Variants in CCDC146 observed in about 807,000 individuals in gnomAD.
CCDC146 encodes the protein coiled-coil domain-containing protein 146.
CCDC146 carries 92 observed loss-of-function variants against 119.3 expected under a neutral mutation model. The ratio of observed to expected loss-of-function variants is 0.77; its 90% CI spans 0.65 to 0.92. CCDC146 has a LOEUF of 0.92. Ranked by LOEUF, CCDC146 falls within the 40% of genes least tolerant of loss-of-function variation. The pLI is 0.00. For missense variants in CCDC146, 1,000 were observed against 1,103.0 expected (o/e 0.91, Z 1.32); for synonymous variants, 372 against 371.8 (o/e 1.00, Z -0.01).
chr7:77,154,788 G>T (rs1791158060), intron 1 of CCDC146, among the ~76,000 whole-genome samples: 1 of 152,170 alleles, frequency 6.6e-6, no homozygotes, highest in South Asian at 2.1e-4. Flanking sequence ...CTTTATAGCA[G>T]CATGATTTAT....
At chr7:77,291,368 C>G (rs1208959519) in intron 17 of CCDC146, among the ~76,000 whole-genome samples, 2 of 151,324 alleles carry the variant, frequency 1.3e-5, no homozygotes, top group African/African-American at 4.9e-5. Flanking sequence ...TTAGTCTTAT[C>G]TTTTAACTGT....
At chr7:77,158,805 A>C (rs2117461852) in intron 1 of CCDC146, among the ~76,000 whole-genome samples, 1 of 152,332 alleles carries the variant, frequency 6.6e-6, no homozygotes, top group Non-Finnish European at 1.5e-5. Flanking sequence ...GGCGTAAACC[A>C]CTGCGCCCAG....
intron 1 of CCDC146, among the ~76,000 whole-genome samples, chr7:77,151,214 A>G (rs1340770612): frequency 6.6e-6 from 1 of 152,110 alleles, no homozygotes; most frequent in Non-Finnish European, 1.5e-5. Flanking sequence ...GGTCCCACCC[A>G]CATGGCCTTC....
intron 6 of CCDC146, among the ~76,000 whole-genome samples, chr7:77,258,319 C>T (rs180840537): frequency 1.5e-4 from 23 of 152,076 alleles, no homozygotes; most frequent in Admixed American, 2.6e-4. Flanking sequence ...AAGCATGATC[C>T]ATTAGCAGTC....
At chr7:77,204,313 T>C (rs1422131755) in intron 2 of CCDC146, among the ~76,000 whole-genome samples, 1 of 152,194 alleles carries the variant, frequency 6.6e-6, no homozygotes, top group Non-Finnish European at 1.5e-5. Flanking sequence ...TCATTATAAA[T>C]TTCATGAAAA....
At chr7:77,210,919 T>G (rs1447194474) in intron 2 of CCDC146, among the ~76,000 whole-genome samples, 1 of 152,090 alleles carries the variant, frequency 6.6e-6, no homozygotes, top group African/African-American at 2.4e-5. Context: ...GCAAGGGGGA[T>G]ATCTGACCCC....
intron 1 of CCDC146, among the ~76,000 whole-genome samples, chr7:77,147,312 T>C (rs1057446074): frequency 2.0e-5 from 3 of 152,248 alleles, no homozygotes; most frequent in Non-Finnish European, 4.4e-5. Flanking sequence ...GCCATTCGTC[T>C]AATCTTTTTT....
At chr7:77,214,707 T>C (rs1224910381) in intron 2 of CCDC146, among the ~76,000 whole-genome samples, 1 of 152,204 alleles carries the variant, frequency 6.6e-6, no homozygotes, top group Non-Finnish European at 1.5e-5. Context: ...CCCAATTGTT[T>C]CTTTTTGTCA....
chr7:77,146,986 A>C (rs7778490), intron 1 of CCDC146, among the ~76,000 whole-genome samples: 22,596 of 152,188 alleles, frequency 0.15, 2,444 homozygotes, highest in Non-Finnish European at 0.21. Context: ...GTTCTCCTGG[A>C]AAATATCCTG....
At chr7:77,217,060 T>G (rs935735369) in intron 2 of CCDC146, among the ~76,000 whole-genome samples, 1 of 152,152 alleles carries the variant, frequency 6.6e-6, no homozygotes, top group Admixed American at 6.6e-5. Context: ...ATATTTTGAT[T>G]AGTGAACAAA....
chr7:77,193,692 T>C (rs1791812028), intron 2 of CCDC146: 1 of 152,144 alleles, frequency 6.6e-6, no homozygotes. Context: ...AATTTGATTT[T>C]TTTTTCCCCT....
intron 4 of CCDC146, among the ~76,000 whole-genome samples, chr7:77,250,315 T>TA (rs944330697): frequency 3.3e-5 from 5 of 152,212 alleles, no homozygotes; most frequent in Non-Finnish European, 2.9e-5. Context: ...CTGACCTATA[T>TA]AATTTTCCTT....
chr7:77,282,420 A>G (rs1793781007), intron 14 of CCDC146, 137 bp from the exon 15 acceptor site: 2 of 626,236 alleles, frequency 3.2e-6, no homozygotes, highest in Non-Finnish European at 5.7e-6. Context: ...CTAGAAAGCC[A>G]TTGGTGACTA....
At chr7:77,141,395 T>C (rs534168030) in intron 1 of CCDC146, among the ~76,000 whole-genome samples, 9 of 152,354 alleles carry the variant, frequency 5.9e-5, no homozygotes, top group Non-Finnish European at 1.3e-4. Context: ...GCCTGTGTCT[T>C]CATAGTAGAA....
chr7:77,152,150 G>C (rs1448998052), intron 1 of CCDC146, among the ~76,000 whole-genome samples: 2 of 152,194 alleles, frequency 1.3e-5, no homozygotes, highest in South Asian at 2.1e-4. Flanking sequence ...GTCCTAGGTA[G>C]ATGAGGTACC....
At chr7:77,171,603 C>T (rs1791422746) in intron 2 of CCDC146, among the ~76,000 whole-genome samples, 1 of 152,170 alleles carries the variant, frequency 6.6e-6, no homozygotes, top group South Asian at 2.1e-4. Context: ...CTGTTTCATG[C>T]GTTTGGTTTC....
At chr7:77,149,151 C>G (rs1192501825) in intron 1 of CCDC146, among the ~76,000 whole-genome samples, 1 of 152,132 alleles carries the variant, frequency 6.6e-6, no homozygotes, top group Admixed American at 6.5e-5. Flanking sequence ...TGGAAGAGAA[C>G]AGAGGCCCCA....
At chr7:77,253,934 C>CA in intron 4 of CCDC146, among the ~76,000 whole-genome samples, 1 of 152,252 alleles carries the variant, frequency 6.6e-6, no homozygotes, top group Non-Finnish European at 1.5e-5. Flanking sequence ...TGACTGGTGA[C>CA]AGAGAGTGGC....
chr7:77,233,648 C>T (rs73373645), intron 2 of CCDC146, among the ~76,000 whole-genome samples: 4,204 of 152,206 alleles, frequency 0.028, 189 homozygotes, highest in African/African-American at 0.095. Flanking sequence ...GAGTGCACAA[C>T]CTAGATCCCT....
Sources: allele counts gnomAD v4.1 joint callset (sites outside exome capture counted in the v4.1 genomes callset), GRCh38; gene constraint gnomAD v4.1.1; transcripts MANE v1.5; gene names NCBI Gene and HGNC (gene_info 2026-07-23, HGNC 2026-07-21).